Variants in RYR2 observed in about 807,000 individuals in gnomAD.
The protein encoded by RYR2 is cardiac muscle ryanodine receptor-calcium release channel.
In RYR2, 227 loss-of-function variants were observed where a neutral mutation model predicts 601.1. That is an observed-to-expected ratio of 0.38 (90% CI 0.34 to 0.42). The LOEUF (loss-of-function observed/expected upper bound fraction) is 0.42. Among genes scored for constraint, RYR2 ranks in the 10% least tolerant of loss-of-function variants. RYR2 has a pLI of 1.00. For synonymous variants in RYR2, 2,223 were observed against 2,175.1 expected (o/e 1.02, Z -0.61); for missense variants, 4,646 against 6,156.5 (o/e 0.75, Z 8.21).
In RYR2 at chr1:237,687,515, C is replaced by A; in HGVS notation, c.9067+11C>A. 2 of 1,601,714 alleles carry A rather than the reference C, an allele frequency of 1.2e-6. No homozygotes were observed. The highest frequency in any genetic ancestry group is 1.7e-6 in the Non-Finnish European group (2 of 1,171,012). ...GGATTTCACTATTTGGTAAGGAGAC[C>A]CTTGAAAAAATACAAGCATGGCCAT... On this transcript the variant is annotated intron_variant, in intron 63 of 104. Coordinates refer to ENST00000366574, the MANE Select transcript of RYR2 (RefSeq NM_001035.3).
At chr1:237,263,847 G>A (rs931015023) in intron 1 of RYR2, among the ~76,000 whole-genome samples, 2 of 152,066 alleles carry the variant, frequency 1.3e-5, no homozygotes, top group Admixed American at 1.3e-4. Flanking sequence ...TTCCCTTACA[G>A]AACTTGCATT....
intron 27 of RYR2, among the ~76,000 whole-genome samples, chr1:237,559,631 T>G (rs1671258760): frequency 6.6e-6 from 1 of 152,230 alleles, no homozygotes; most frequent in Non-Finnish European, 1.5e-5. Context: ...CTTTGTCTAA[T>G]AAGCCCAACA....
chr1:237,514,678 A>G (rs1441534295), intron 24 of RYR2, among the ~76,000 whole-genome samples: 2 of 152,168 alleles, frequency 1.3e-5, no homozygotes, highest in Admixed American at 1.3e-4. Flanking sequence ...CTAAGAACAC[A>G]GACTCTGGAG....
At position 237,503,269 on chromosome 1, in the gene RYR2, C is replaced by G. The variant is rs373117486; in HGVS notation, c.2397-20C>G. The G allele has an allele frequency of 3.6e-5, 56 of 1,574,936 alleles. No homozygotes were observed. Among genetic ancestry groups the G allele is most frequent in the Non-Finnish European group, 4.7e-5 (55 of 1,158,238 alleles). ...ATGTACACCAGAGATAAAATTGACT[C>G]TAACGTGCATCCTCTTTAGAGTACG... On this transcript the variant is annotated intron_variant, in intron 21 of 104. Transcript: ENST00000366574.
intron 1 of RYR2, among the ~76,000 whole-genome samples, chr1:237,254,927 T>A (rs576499919): frequency 6.8e-4 from 103 of 152,310 alleles, no homozygotes; most frequent in African/African-American, 2.3e-3. Context: ...AAATTCTGCA[T>A]GTCTCAATGT....
At chr1:237,281,309 A>G (rs1266694880) in intron 2 of RYR2, among the ~76,000 whole-genome samples, 2 of 152,226 alleles carry the variant, frequency 1.3e-5, no homozygotes, top group Non-Finnish European at 2.9e-5. Context: ...CTAAAGACTC[A>G]TTCTGGAAAT....
intron 1 of RYR2, among the ~76,000 whole-genome samples, chr1:237,187,562 G>T (rs950016261): frequency 2.1e-5 from 3 of 145,328 alleles, no homozygotes; most frequent in Non-Finnish European, 4.5e-5. Flanking sequence ...TCCCACCTCA[G>T]CCTCCTGAAT....
chr1:237,832,498 T>C (rs954187760), intron 104 of RYR2, 54 bp from the exon 105 acceptor site: 7 of 1,192,030 alleles, frequency 5.9e-6, no homozygotes, highest in Non-Finnish European at 8.6e-6. Flanking sequence ...TACCTTATGT[T>C]TTGTTAGCAC....
chr1:237,510,866 C>A (rs1369366982), intron 23 of RYR2, among the ~76,000 whole-genome samples: 1 of 152,170 alleles, frequency 6.6e-6, no homozygotes, highest in East Asian at 1.9e-4. Context: ...AATGTGATTG[C>A]TAATATGCAG....
intron 88 of RYR2, among the ~76,000 whole-genome samples, chr1:237,781,357 A>G (rs1357134668): frequency 6.6e-6 from 1 of 152,218 alleles, no homozygotes; most frequent in Admixed American, 6.5e-5. Flanking sequence ...CCGGCCTACA[A>G]ATACTTTAAA....
At chr1:237,322,821 CGTGTGTGTGTGT>C (rs113420477) in intron 2 of RYR2, among the ~76,000 whole-genome samples, 8 of 143,146 alleles carry the variant, frequency 5.6e-5, no homozygotes, top group African/African-American at 2.1e-4. Context: ...AACACACACA[CGTGTGTGTGTGT>C]GTGTGTGTGT....
At chr1:237,642,553 A>C (rs1681671285) in intron 47 of RYR2, among the ~76,000 whole-genome samples, 1 of 152,206 alleles carries the variant, frequency 6.6e-6, no homozygotes, top group Non-Finnish European at 1.5e-5. Context: ...ATGGGGGAAA[A>C]CTAAGTGAAG....
intron 2 of RYR2, among the ~76,000 whole-genome samples, chr1:237,295,472 T>C (rs578041419): frequency 4.6e-5 from 7 of 152,246 alleles, no homozygotes; most frequent in African/African-American, 1.7e-4. Flanking sequence ...ATTCCTTAAA[T>C]CTGGAGTAAC....
At chr1:237,451,992 G>A (rs545750814) in intron 14 of RYR2, among the ~76,000 whole-genome samples, 5 of 148,982 alleles carry the variant, frequency 3.4e-5, no homozygotes, top group African/African-American at 7.4e-5. Context: ...GTGTGTTTGT[G>A]TGTGTGTTTG....
chr1:237,062,917 A>C (rs1431023529), intron 1 of RYR2, among the ~76,000 whole-genome samples: 1 of 150,620 alleles, frequency 6.6e-6, no homozygotes, highest in East Asian at 1.9e-4. Flanking sequence ...TACACTGTGC[A>C]TATGCAGCTT....
At chr1:237,685,619 ATG>A (rs1686315739) in intron 62 of RYR2, among the ~76,000 whole-genome samples, 1 of 152,224 alleles carries the variant, frequency 6.6e-6, no homozygotes. Flanking sequence ...GATCCAAAGT[ATG>A]TACAATTCTA....
At chr1:237,496,022 C>A (rs1009789854) in intron 19 of RYR2, among the ~76,000 whole-genome samples, 2 of 152,092 alleles carry the variant, frequency 1.3e-5, no homozygotes, top group African/African-American at 2.4e-5. Context: ...CTGTGTACTA[C>A]CTCAGTGGTA....
At chr1:237,365,438 G>A (rs1700107544) in intron 5 of RYR2, among the ~76,000 whole-genome samples, 1 of 152,188 alleles carries the variant, frequency 6.6e-6, no homozygotes, top group Non-Finnish European at 1.5e-5. Flanking sequence ...TGACAGAACA[G>A]AGTATTTCTT....
At chr1:237,049,945 G>A (rs1001564871) in intron 1 of RYR2, among the ~76,000 whole-genome samples, 5 of 152,094 alleles carry the variant, frequency 3.3e-5, no homozygotes, top group African/African-American at 1.2e-4. Context: ...CATGTTTCTG[G>A]GGTTTCCCAG....
Sources: allele counts gnomAD v4.1 joint callset (sites outside exome capture counted in the v4.1 genomes callset), GRCh38; gene constraint gnomAD v4.1.1; transcripts MANE v1.5; gene names NCBI Gene and HGNC (gene_info 2026-07-23, HGNC 2026-07-21).